Variants in PUS1 observed in about 807,000 individuals in gnomAD.
The protein encoded by PUS1 is pseudouridylate synthase 1 homolog.
In PUS1, 25 loss-of-function variants were observed where a neutral mutation model predicts 38.5. The observed-to-expected ratio is 0.65, with a 90% CI of 0.47 to 0.91. The LOEUF (loss-of-function observed/expected upper bound fraction) is 0.91, where lower values mean the gene tolerates loss of function less well. PUS1 is among the 40% of genes least tolerant of loss of function. The probability of loss-of-function intolerance (pLI) is 0.00; values close to 1 mark genes in which losing one functional copy is unlikely to be tolerated. For missense variants in PUS1, 597 were observed against 612.3 expected, an observed-to-expected ratio of 0.97 and a Z score of 0.26; for synonymous variants, 282 against 260.4, an observed-to-expected ratio of 1.08 and a Z score of -0.80.
rs1326220015 is a variant in PUS1 at position 131,929,954 on chromosome 12, C to T, written c.122C>T (p.Ala41Val). The T allele has an allele frequency of 2.6e-6, 4 of 1,512,112 alleles. No homozygotes were observed. The highest frequency in any genetic ancestry group is 2.0e-4 in the Middle Eastern group (1 of 5,020). The allele number at this position is 1,512,112 out of a possible 1,614,324, so 93.7% of individuals were successfully genotyped here. ...GNAEPPPAGA[A>V]CPQDRRSCSG... ...GCGGAGCCGCCGCCCGCCGGAGCCGCATGCCCCCAGGACCGGAGGTCCTGC... is the reference window on the plus strand; with the variant it reads ...GCGGAGCCGCCGCCCGCCGGAGCCGTATGCCCCCAGGACCGGAGGTCCTGC... The change falls in exon 2 of 6, where the codon GCA becomes GTA. Residue 41 changes from alanine (A) to valine (V), a missense_variant. Transcript: ENST00000376649.
intron 2 of PUS1, 169 bp from the exon 3 acceptor site, chr12:131,932,006 A>T: frequency 1.4e-6 from 1 of 708,716 alleles, no homozygotes; most frequent in Non-Finnish European, 2.6e-6. Context: ...CCCCAGGGTG[A>T]GTGAGCAGAA....
In PUS1 at chr12:131,930,150, G is replaced by A; in HGVS notation, c.303+15G>A. On this transcript the variant is annotated intron_variant, in intron 2 of 5. Coordinates refer to ENST00000376649, the MANE Select transcript of PUS1 (RefSeq NM_025215.6). ...ACGGCATGCAGGTGTGGCCGCCCGG[G>A]AAGCGGCAGGTCCCGCGGGGTTTAG... 7.1e-7 allele frequency: 1 copy of A among 1,412,588 alleles called. No individual in the cohort carries two copies. Among genetic ancestry groups the A allele is most frequent in the Non-Finnish European group, 9.2e-7 (1 of 1,084,416 alleles). 87.5% of individuals were successfully genotyped at this position (1,412,588 alleles called of 1,614,324 possible).
At chr12:131,940,943 T>G in intron 4 of PUS1, 2 of 294,170 alleles carry the variant, frequency 6.8e-6, no homozygotes, top group Non-Finnish European at 1.3e-5. Context: ...TTTCCAGTCA[T>G]GTATAAAGAT....
At position 131,930,115 on chromosome 12, in the gene PUS1, A is replaced by C; in HGVS notation, c.283A>C (p.Lys95Gln). ...KIVLLMAYSGKGYHGMQRNVG... is the reference protein window; with the variant it reads ...KIVLLMAYSGQGYHGMQRNVG... ...CGTGCTGCTCATGGCCTATTCGGGCAAGGGCTACCACGGCATGCAGGTGTG... is the reference window on the plus strand; with the variant it reads ...CGTGCTGCTCATGGCCTATTCGGGCCAGGGCTACCACGGCATGCAGGTGTG... Residue 95 changes from lysine (K) to glutamine (Q), a missense_variant, in exon 2 of 6, where the codon AAG becomes CAG. Transcript: ENST00000376649. 7.0e-7 allele frequency: 1 copy of C among 1,428,244 alleles called. No homozygotes were observed. The highest frequency in any genetic ancestry group is 9.2e-7 in the Non-Finnish European group (1 of 1,090,884). The allele number at this position is 1,428,244 out of a possible 1,614,324, so 88.5% of individuals were successfully genotyped here. A position where few individuals can be genotyped will look rare whatever the true frequency, so the allele number is the denominator to read the frequency against.
chr12:131,931,820 T>A, intron 2 of PUS1: 6 of 418,788 alleles, frequency 1.4e-5, no homozygotes, highest in East Asian at 4.6e-5. Context: ...TGTGAGCCAC[T>A]GCACCTGGCC....
At chr12:131,942,568 G>T (rs538543570) in intron 5 of PUS1, among the ~76,000 whole-genome samples, 1 of 152,010 alleles carries the variant, frequency 6.6e-6, no homozygotes, top group Admixed American at 6.6e-5. Context: ...CACCACGCCC[G>T]GCTCATTTTT....
Position 131,943,912 on chromosome 12 carries a change from G to T in PUS1, c.*326G>T. 1 of 360,118 alleles carries T rather than the reference G, an allele frequency of 2.8e-6. No homozygotes were observed. The highest frequency in any genetic ancestry group is 2.2e-5 in the South Asian group (1 of 45,322). 22.3% of individuals were successfully genotyped at this position (360,118 alleles called of 1,614,324 possible). ...TTTTAACATTTTTTTCGTCCACAGA[G>T]ATGAGCACAGCATGGTGTCCCGTTG... On this transcript the variant is annotated 3_prime_UTR_variant, in exon 6 of 6. Transcript: ENST00000376649.
rs1355865250 is a variant in PUS1, at chr12:131,941,764, C to T, written c.1017C>T (p.His339=). 1.9e-6 allele frequency: 3 copies of T among 1,613,788 alleles called. No individual in the cohort carries two copies. Among genetic ancestry groups the T allele is most frequent in the East Asian group, 2.2e-5 (1 of 44,862 alleles). Residue 339 remains histidine, a synonymous_variant, in exon 5 of 6, where the codon CAC becomes CAT. Coordinates refer to ENST00000376649, the MANE Select transcript of PUS1 (RefSeq NM_025215.6). This position sits in a 1 kb window ranked among gnomAD's most constrained non-coding sequence, Gnocchi z 4.4. ...TCGGCCTGGTCCTGGAGAGGGTGCA[C>T]TTCGAGAAGTACAACCAGCGCTTTG... The part of the protein sequence containing the change: ...PGLGLVLERV[H]FEKYNQRFGN...
Position 131,945,470 on chromosome 12 carries a change from T to G in PUS1, c.*1884T>G, listed in dbSNP as rs1365488287. 7.9e-5 allele frequency: 12 copies of G among 152,336 alleles called. No individual in the cohort carries two copies. The highest frequency in any genetic ancestry group is 6.5e-4 in the Admixed American group (10 of 15,296). 9.4% of individuals were successfully genotyped at this position (152,336 alleles called of 1,614,324 possible). A position where few individuals can be genotyped will look rare whatever the true frequency, so the allele number is the denominator to read the frequency against. The stretch of plus-strand genomic sequence containing the variant: ...GAGCTTGGTTCTAAGCATGTTAATT[T>G]TACCTGGGATAGACAGGACTTTATT... On this transcript the variant is annotated 3_prime_UTR_variant, in exon 6 of 6. Coordinates refer to ENST00000376649, the MANE Select transcript of PUS1 (RefSeq NM_025215.6).
At chr12:131,942,110 G>C in intron 5 of PUS1, 127 bp downstream of exon 5, 1 of 890,646 alleles carries the variant, frequency 1.1e-6, no homozygotes, top group Non-Finnish European at 1.8e-6. Context: ...TGCTGCAGGA[G>C]CAGGGGCAGG....
intron 2 of PUS1, among the ~76,000 whole-genome samples, chr12:131,930,863 G>A (rs574915277): frequency 2.0e-5 from 3 of 152,034 alleles, no homozygotes; most frequent in Admixed American, 2.0e-4. Context: ...GGGTCTCGCT[G>A]TGTTGCCCAG....
In PUS1 at chr12:131,939,255, C is replaced by G. The variant is rs747044537; in HGVS notation, c.524C>G (p.Pro175Arg). 6.4e-7 allele frequency: 1 copy of G among 1,557,394 alleles called. No individual in the cohort carries two copies. The highest frequency in any genetic ancestry group is 1.2e-5 in the South Asian group (1 of 84,892). ...CTAGAAAAGATCAACAGCCACCTTC[C>G]CTCTCACATTCGGATTCTGGGTAAG... Reference protein sequence around the residue: ...DILEKINSHLPSHIRILGLKR... With the variant: ...DILEKINSHLRSHIRILGLKR... The change falls in exon 4 of 6, where the codon CCC becomes CGC. Residue 175 changes from proline (P) to arginine (R), a missense_variant. Transcript: ENST00000376649.
intron 2 of PUS1, 48 bp from the exon 3 acceptor site, chr12:131,932,127 G>T: frequency 6.4e-7 from 1 of 1,572,802 alleles, no homozygotes; most frequent in Non-Finnish European, 8.7e-7. Context: ...ACATCATGGC[G>T]ACCTCTGTCT....
intron 5 of PUS1, 73 bp from the exon 6 acceptor site, chr12:131,943,465 TG>T: frequency 7.9e-7 from 1 of 1,261,702 alleles, no homozygotes. Context: ...AAGCCTGTCA[TG>T]GGCCCCTGTG....
chr12:131,934,127 A>G (rs779890716), intron 3 of PUS1, among the ~76,000 whole-genome samples: 5 of 152,376 alleles, frequency 3.3e-5, no homozygotes, highest in Admixed American at 6.5e-5. Flanking sequence ...TGCTACTGCT[A>G]TCTTCTAAGA....
chr12:131,943,122 G>T (rs1205480406), intron 5 of PUS1, among the ~76,000 whole-genome samples: 1 of 152,232 alleles, frequency 6.6e-6, no homozygotes, highest in African/African-American at 2.4e-5. Context: ...TTAAGTGCTG[G>T]TAGTTAATTT....
At chr12:131,939,756 GCAGTCCT>G (rs1157831164) in intron 4 of PUS1, among the ~76,000 whole-genome samples, 1 of 152,102 alleles carries the variant, frequency 6.6e-6, no homozygotes, top group Non-Finnish European at 1.5e-5. Flanking sequence ...CCGGGTTCAA[GCAGTCCT>G]CAGCCTCCTG....
At chr12:131,937,720 T>TA (rs1399111308) in intron 3 of PUS1, among the ~76,000 whole-genome samples, 3 of 152,158 alleles carry the variant, frequency 2.0e-5, no homozygotes, top group Non-Finnish European at 4.4e-5. Flanking sequence ...ATCTTTTTTT[T>TA]ACCTTTTTTG....
chr12:131,942,407 C>CT (rs143876811), intron 5 of PUS1, among the ~76,000 whole-genome samples: 19,611 of 149,266 alleles, frequency 0.13, 2,576 homozygotes, highest in African/African-American at 0.34. Flanking sequence ...TTTGTTCTTT[C>CT]TTTTTTTTTT....
Sources: allele counts gnomAD v4.1 joint callset (sites outside exome capture counted in the v4.1 genomes callset), GRCh38; gene constraint gnomAD v4.1.1; non-coding constraint Gnocchi (gnomAD v3.1); transcripts MANE v1.5; gene names NCBI Gene and HGNC (gene_info 2026-07-23, HGNC 2026-07-21).